Variants in ADAMTSL1 observed in about 807,000 individuals in gnomAD.
ADAMTSL1 encodes the protein ADAMTS like 1.
In ADAMTSL1, 126 loss-of-function variants were observed where a neutral mutation model predicts 201.8. That is an observed-to-expected ratio of 0.62 (90% CI 0.54 to 0.72). The LOEUF is 0.72. Among genes scored for constraint, ADAMTSL1 ranks in the 30% least tolerant of loss-of-function variants. The pLI, the probability that ADAMTSL1 is intolerant of heterozygous loss-of-function variation, is 0.00. For missense variants in ADAMTSL1, 2,679 were observed against 2,277.8 expected (o/e 1.18, Z -3.59); for synonymous variants, 1,121 against 903.4 (o/e 1.24, Z -4.32).
At chr9:18,180,966 C>G (rs1036343980) in intron 2 of ADAMTSL1, among the ~76,000 whole-genome samples, 10 of 152,112 alleles carry the variant, frequency 6.6e-5, no homozygotes, top group African/African-American at 2.2e-4. Flanking sequence ...GAACAGAGCC[C>G]TCAGAAATAA....
At chr9:18,035,897 A>G (rs778904941) in intron 1 of ADAMTSL1, among the ~76,000 whole-genome samples, 17 of 152,174 alleles carry the variant, frequency 1.1e-4, no homozygotes, top group Admixed American at 1.0e-3. Context: ...CATGCCCTAT[A>G]TATGCTAAGA....
chr9:18,399,290 T>TATATATATATATATATATAC (rs1817875808), intron 2 of ADAMTSL1, among the ~76,000 whole-genome samples: 1 of 88,840 alleles, frequency 1.1e-5, no homozygotes, highest in Non-Finnish European at 2.2e-5. Context: ...CATATATATA[T>TATATATATATATATATATAC]ATATATATAT....
intron 2 of ADAMTSL1, among the ~76,000 whole-genome samples, chr9:18,172,276 A>T (rs1414116083): frequency 1.3e-5 from 2 of 152,096 alleles, no homozygotes; most frequent in Non-Finnish European, 2.9e-5. Flanking sequence ...TAAAGTATAT[A>T]TAAAAAAAGA....
chr9:18,091,238 A>G (rs985944306), intron 1 of ADAMTSL1, among the ~76,000 whole-genome samples: 1 of 152,090 alleles, frequency 6.6e-6, no homozygotes, highest in Non-Finnish European at 1.5e-5. Flanking sequence ...CATAAAGTTT[A>G]TATGGTGTCT....
At chr9:18,876,737 T>A (rs557478371) in intron 23 of ADAMTSL1, among the ~76,000 whole-genome samples, 5 of 152,208 alleles carry the variant, frequency 3.3e-5, no homozygotes, top group Non-Finnish European at 5.9e-5. Context: ...GCCTAGATGA[T>A]GATCTTTTTG....
At chr9:18,872,672 C>T (rs1357200426) in intron 23 of ADAMTSL1, among the ~76,000 whole-genome samples, 1 of 152,130 alleles carries the variant, frequency 6.6e-6, no homozygotes, top group Non-Finnish European at 1.5e-5. Context: ...TTATTTCATG[C>T]CTTTTTATGG....
intron 14 of ADAMTSL1, among the ~76,000 whole-genome samples, chr9:18,717,652 A>G (rs977269857): frequency 2.0e-5 from 3 of 152,232 alleles, no homozygotes; most frequent in African/African-American, 7.2e-5. Flanking sequence ...AGTGAGGGTT[A>G]GAGTATACAG....
At chr9:18,580,151 A>G (rs1010174662) in intron 4 of ADAMTSL1, among the ~76,000 whole-genome samples, 2 of 152,242 alleles carry the variant, frequency 1.3e-5, no homozygotes, top group African/African-American at 4.8e-5. Flanking sequence ...AAAAAGGGAA[A>G]GAAGAATTCC....
chr9:18,318,886 G>A (rs1396265146), intron 2 of ADAMTSL1, among the ~76,000 whole-genome samples: 2 of 152,118 alleles, frequency 1.3e-5, no homozygotes, highest in Non-Finnish European at 1.5e-5. Context: ...TAGTGCGTGT[G>A]TCCACAACTT....
intron 4 of ADAMTSL1, among the ~76,000 whole-genome samples, chr9:18,587,677 C>T (rs1228227264): frequency 6.6e-6 from 1 of 152,114 alleles, no homozygotes; most frequent in Non-Finnish European, 1.5e-5. Context: ...TACCATACTG[C>T]TTTCTATCTC....
intron 1 of ADAMTSL1, among the ~76,000 whole-genome samples, chr9:17,965,637 G>A (rs1045686380): frequency 6.6e-6 from 1 of 152,108 alleles, no homozygotes; most frequent in East Asian, 1.9e-4. Flanking sequence ...ATGATAAATT[G>A]GGATATTCAG....
chr9:18,034,335 C>G (rs1327668009), intron 1 of ADAMTSL1, among the ~76,000 whole-genome samples: 1 of 152,132 alleles, frequency 6.6e-6, no homozygotes, highest in Non-Finnish European at 1.5e-5. Flanking sequence ...CTCTTACTTT[C>G]TAATTCCCAA....
At chr9:18,752,780 G>A (rs1349714463) in intron 15 of ADAMTSL1, among the ~76,000 whole-genome samples, 4 of 152,190 alleles carry the variant, frequency 2.6e-5, no homozygotes, top group African/African-American at 9.7e-5. Flanking sequence ...ATGTTTAAAC[G>A]TAAGACAGAG....
At chr9:18,270,389 T>G (rs34106751) in intron 2 of ADAMTSL1, among the ~76,000 whole-genome samples, 1 of 152,074 alleles carries the variant, frequency 6.6e-6, no homozygotes, top group Non-Finnish European at 1.5e-5. Context: ...CATAGGAGAC[T>G]TCTAATGGGA....
intron 14 of ADAMTSL1, among the ~76,000 whole-genome samples, chr9:18,713,889 A>G (rs912004948): frequency 1.3e-5 from 2 of 149,320 alleles, no homozygotes; most frequent in African/African-American, 2.5e-5. Flanking sequence ...CAGAAATTAT[A>G]ACAAACTATC....
At chr9:18,901,453 A>G (rs1278454591) in intron 26 of ADAMTSL1, among the ~76,000 whole-genome samples, 1 of 152,248 alleles carries the variant, frequency 6.6e-6, no homozygotes, top group African/African-American at 2.4e-5. Flanking sequence ...GATTTCAAAG[A>G]AATGCATAAG....
intron 2 of ADAMTSL1, among the ~76,000 whole-genome samples, chr9:18,308,511 C>T (rs1189800849): frequency 6.6e-6 from 1 of 152,004 alleles, no homozygotes; most frequent in Non-Finnish European, 1.5e-5. Context: ...AGGATATCAC[C>T]ACCGATCACA....
At chr9:18,757,854 G>A (rs1819862084) in intron 16 of ADAMTSL1, among the ~76,000 whole-genome samples, 1 of 152,176 alleles carries the variant, frequency 6.6e-6, no homozygotes. Flanking sequence ...GTGTTAGAAA[G>A]GTACATGCCC....
At chr9:18,745,136 G>A (rs541686) in intron 15 of ADAMTSL1, among the ~76,000 whole-genome samples, 119,783 of 152,048 alleles carry the variant, frequency 0.79, 47,352 homozygotes, top group Non-Finnish European at 0.82. Flanking sequence ...GAGCTAAGTA[G>A]ATATCCTGTT....
Sources: allele counts gnomAD v4.1 joint callset (sites outside exome capture counted in the v4.1 genomes callset), GRCh38; gene constraint gnomAD v4.1.1; transcripts MANE v1.5; gene names NCBI Gene and HGNC (gene_info 2026-07-23, HGNC 2026-07-21).